SRCIN1: variants seen among roughly 807,000 people sequenced by gnomAD.
The protein encoded by SRCIN1 is P130Cas-associated protein.
SRCIN1 carries 50 observed loss-of-function variants against 116.2 expected under a neutral mutation model. That is an observed-to-expected ratio of 0.43 (90% confidence interval 0.34 to 0.54). SRCIN1 has a LOEUF of 0.54. SRCIN1 is among the 20% of genes least tolerant of loss of function. The pLI is 0.02. For missense variants in SRCIN1, 1,446 were observed against 1,672.0 expected, an observed-to-expected ratio of 0.86 and a Z score of 2.36; for synonymous variants, 736 against 750.0, an observed-to-expected ratio of 0.98 and a Z score of 0.30.
intron 2 of SRCIN1, among the ~76,000 whole-genome samples, chr17:38,577,329 T>C (rs1439579286): frequency 6.6e-6 from 1 of 152,168 alleles, no homozygotes; most frequent in Non-Finnish European, 1.5e-5. Flanking sequence ...CGGCAACATC[T>C]TCTTCAACTC....
chr17:38,546,474 GT>G (rs1384252929), intron 17 of SRCIN1: 1 of 152,334 alleles, frequency 6.6e-6, no homozygotes, highest in African/African-American at 2.4e-5. Flanking sequence ...GAAGTGGGGG[GT>G]GCTGACTGGG....
In SRCIN1 at chr17:38,544,157, T is replaced by C. The variant is rs990396365; in HGVS notation, c.3271-188A>G. Among the ~76,000 whole-genome samples, 44 of 151,946 alleles carry C rather than the reference T, an allele frequency of 2.9e-4. No homozygotes were observed. The highest frequency in any genetic ancestry group is 1.0e-3 in the African/African-American group (42 of 41,350). On this transcript the variant is annotated intron_variant, in intron 17 of 18. Transcript: ENST00000617146. This position sits in a 1 kb window ranked among gnomAD's most constrained non-coding sequence, Gnocchi z 4.5. ...CCACCCTCTCAGTCCCCACTTATGG[T>C]CTCCCTGCAGGAGAGGGGTGGGGCC...
Position 38,558,140 on chromosome 17 carries a change from A to G in SRCIN1, c.2201+87T>C. ...CCAACGCCACCTGTGACTCAGAGGGAAGGGAGCTGCGCCTCCCAGGGAAAC... is the reference window on the plus strand; with the variant it reads ...CCAACGCCACCTGTGACTCAGAGGGGAGGGAGCTGCGCCTCCCAGGGAAAC... On this transcript the variant is annotated intron_variant, in intron 11 of 18. Transcript: ENST00000617146. This position sits in a 1 kb window ranked among gnomAD's most constrained non-coding sequence, Gnocchi z 4.6. The G allele has an allele frequency of 6.9e-7, 1 of 1,455,286 alleles. No individual in the cohort carries two copies. The highest frequency in any genetic ancestry group is 9.4e-7 in the Non-Finnish European group (1 of 1,059,352). The allele number at this position is 1,455,286 out of a possible 1,614,324, so 90.1% of individuals were successfully genotyped here. A position where few individuals can be genotyped will look rare whatever the true frequency, so the allele number is the denominator to read the frequency against.
chr17:38,551,622 G>C, intron 14 of SRCIN1: 3 of 650,326 alleles, frequency 4.6e-6, no homozygotes, highest in East Asian at 2.7e-5. Context: ...ATCTATTTCT[G>C]GGCATTCTAT....
At chr17:38,587,463 C>T (rs1200741335) in intron 1 of SRCIN1, among the ~76,000 whole-genome samples, 2 of 152,160 alleles carry the variant, frequency 1.3e-5, no homozygotes, top group Admixed American at 1.3e-4. Flanking sequence ...CGGGAAACCA[C>T]AGTGCTCTCT....
rs200224381 is a variant in SRCIN1, at chr17:38,605,942, AGT to A, written c.-239_-238del. ...GCGAGAGCGAGTGTGTGTGTGTTTG[AGT>A]GTGTGTCTGCGCGCGCGCGGGCCGG... On this transcript the variant is annotated 5_prime_UTR_variant, in exon 1 of 19. Coordinates refer to ENST00000617146, the MANE Select transcript of SRCIN1 (RefSeq NM_025248.3). 5,667 of 138,322 alleles carry A rather than the reference AGT, an allele frequency of 0.041. 189 individuals are homozygous for A. Among genetic ancestry groups the A allele is most frequent in the East Asian group, 0.095 (431 of 4,552 alleles). The allele number at this position is 138,322 out of a possible 1,614,324, so 8.6% of individuals were successfully genotyped here.
Position 38,531,963 on chromosome 17 carries a change from C to T in SRCIN1, c.*1334G>A. 1 of 152,914 alleles carries T rather than the reference C, an allele frequency of 6.5e-6. No homozygotes were observed. The highest frequency in any genetic ancestry group is 1.9e-4 in the East Asian group (1 of 5,200). The allele number at this position is 152,914 out of a possible 1,614,324, so 9.5% of individuals were successfully genotyped here. A position where few individuals can be genotyped will look rare whatever the true frequency, so the allele number is the denominator to read the frequency against. The stretch of plus-strand genomic sequence containing the variant: ...CTCCTCCTCTTCTCCTATCCTCTCC[C>T]TACCGGCTCCTCACTGTGCCCTCTG... On this transcript the variant is annotated 3_prime_UTR_variant, in exon 19 of 19. Coordinates refer to ENST00000617146, the MANE Select transcript of SRCIN1 (RefSeq NM_025248.3).
rs1288180550 is a variant in SRCIN1 at position 38,572,218 on chromosome 17, G to C, written c.325-3987C>G. ...TCAACTCCCATGAACACGAGTCAGC[G>C]TAAACACTCGTCCCCCGGGCTGGGG... is the stretch of plus-strand genomic sequence containing the variant. On this transcript the variant is annotated intron_variant, in intron 2 of 18. Transcript: ENST00000617146. The surrounding 1 kb of genome is among the most constrained non-coding windows in gnomAD (Gnocchi z 4.3). 6.6e-6 allele frequency among the ~76,000 whole-genome samples: 1 copy of C among 152,196 alleles called. No individual in the cohort carries two copies. Among genetic ancestry groups the C allele is most frequent in the Non-Finnish European group, 1.5e-5 (1 of 68,028 alleles).
intron 1 of SRCIN1, among the ~76,000 whole-genome samples, chr17:38,582,690 T>C (rs1907892201): frequency 1.3e-5 from 2 of 152,198 alleles, no homozygotes; most frequent in Non-Finnish European, 2.9e-5. Flanking sequence ...AGCTTTGATG[T>C]GAAAAGCTTT....
rs1289501956 is a variant in SRCIN1 at position 38,563,125 on chromosome 17, G to A, written c.740+198C>T. On this transcript the variant is annotated intron_variant, in intron 5 of 18. Transcript: ENST00000617146. The surrounding 1 kb of genome is among the most constrained non-coding windows in gnomAD (Gnocchi z 5.8). ...TTTTCAGGTTAGCTCAAAGCAAAGG[G>A]AACCAGCAGGGGTGGACGATTTAGG... Among the ~76,000 whole-genome samples the A allele has an allele frequency of 6.6e-6, 1 of 152,164 alleles. No individual in the cohort carries two copies. The highest frequency in any genetic ancestry group is 1.5e-5 in the Non-Finnish European group (1 of 68,034).
At chr17:38,570,923 G>A (rs949817182) in intron 2 of SRCIN1, among the ~76,000 whole-genome samples, 7 of 152,230 alleles carry the variant, frequency 4.6e-5, no homozygotes, top group African/African-American at 1.7e-4. Context: ...ATCAAAATCT[G>A]GAACTTCAGG....
In SRCIN1 at chr17:38,561,574, G is replaced by A. The variant is rs770791045; in HGVS notation, c.1589C>T (p.Ala530Val). 2.5e-6 allele frequency: 4 copies of A among 1,601,694 alleles called. No homozygotes were observed. The highest frequency in any genetic ancestry group is 3.4e-6 in the Non-Finnish European group (4 of 1,175,594). Residue 530 changes from alanine (A) to valine (V), a missense_variant, in exon 7 of 19, where the codon GCG becomes GTG. Physicochemically the swap from Ala to Val is moderately conservative, Grantham distance 64. Transcript: ENST00000617146. ...AESPGGKTRSAGSASTAGAPP... is the reference protein window; with the variant it reads ...AESPGGKTRSVGSASTAGAPP... ...AGCTCCGGCCGTCGAGGCGCTCCCC[G>A]CGCTGCGGGTCTTCCCTCCAGGACT... is the stretch of plus-strand genomic sequence containing the variant.
chr17:38,590,834 A>G (rs1908400473), intron 1 of SRCIN1, among the ~76,000 whole-genome samples: 1 of 152,156 alleles, frequency 6.6e-6, no homozygotes, highest in African/African-American at 2.4e-5. Flanking sequence ...GTGAGTACTC[A>G]TCTAAGCCAT....
At chr17:38,551,860 C>T in intron 14 of SRCIN1, 26 bp downstream of exon 14, 2 of 1,612,782 alleles carry the variant, frequency 1.2e-6, no homozygotes, top group East Asian at 2.2e-5. Context: ...GCTCATGGCC[C>T]CACCCACAAT....
At chr17:38,543,502 C>T (rs965115180) in intron 18 of SRCIN1, among the ~76,000 whole-genome samples, 2 of 152,226 alleles carry the variant, frequency 1.3e-5, no homozygotes, top group Admixed American at 6.5e-5. Flanking sequence ...GCTGGAGTCA[C>T]AAACTCGCTC....
chr17:38,577,381 G>A (rs964262378), intron 2 of SRCIN1, among the ~76,000 whole-genome samples: 2 of 152,242 alleles, frequency 1.3e-5, no homozygotes, highest in African/African-American at 4.8e-5. Flanking sequence ...AAGGACTTCA[G>A]AGCTGGGAAA....
In SRCIN1 at chr17:38,552,261, G is replaced by T; in HGVS notation, c.2481-129C>A. 6.9e-7 allele frequency: 1 copy of T among 1,441,270 alleles called. No homozygotes were observed. The highest frequency in any genetic ancestry group is 9.3e-7 in the Non-Finnish European group (1 of 1,073,520). 89.3% of individuals were successfully genotyped at this position (1,441,270 alleles called of 1,614,324 possible). A position where few individuals can be genotyped will look rare whatever the true frequency, so the allele number is the denominator to read the frequency against. ...GCTGTGGGAGGGCCTGGGGAGGAGT[G>T]ACTGCCCCTGGTATAAGAGGAAGCC... On this transcript the variant is annotated intron_variant, in intron 13 of 18. Coordinates refer to ENST00000617146, the MANE Select transcript of SRCIN1 (RefSeq NM_025248.3). This position sits in a 1 kb window ranked among gnomAD's most constrained non-coding sequence, Gnocchi z 5.3.
intron 1 of SRCIN1, among the ~76,000 whole-genome samples, chr17:38,603,613 T>C (rs1909187569): frequency 6.6e-6 from 1 of 152,058 alleles, no homozygotes; most frequent in Non-Finnish European, 1.5e-5. Context: ...GAAGCAGGAA[T>C]TGTTGTGGGG....
chr17:38,577,996 C>T (rs1375005724), intron 2 of SRCIN1, among the ~76,000 whole-genome samples: 2 of 152,138 alleles, frequency 1.3e-5, no homozygotes, highest in Admixed American at 1.3e-4. Context: ...TCCATTCTTG[C>T]AGGCTGCAGG....
Sources: allele counts gnomAD v4.1 joint callset (sites outside exome capture counted in the v4.1 genomes callset), GRCh38; gene constraint gnomAD v4.1.1; non-coding constraint Gnocchi (gnomAD v3.1); transcripts MANE v1.5; gene names NCBI Gene and HGNC (gene_info 2026-07-23, HGNC 2026-07-21).